The following SLC5A1 variants were observed in gnomAD, a reference collection of about 807,000 sequenced individuals.
SLC5A1 encodes solute carrier family 5 member 1.
A neutral mutation model predicts 73.5 loss-of-function variants in SLC5A1; 42 were observed. That is an observed-to-expected ratio of 0.57 (90% CI 0.45 to 0.74). SLC5A1 has a LOEUF of 0.74. Among genes scored for constraint, SLC5A1 ranks in the 30% least tolerant of loss-of-function variants. The pLI, the probability that SLC5A1 is intolerant of heterozygous loss-of-function variation, is 0.00. For missense variants in SLC5A1, 634 were observed against 855.4 expected (o/e 0.74, Z 3.23); for synonymous variants, 300 against 317.4 (o/e 0.95, Z 0.58).
chr22:32,044,525 T>C (rs942082631), intron 1 of SLC5A1, among the ~76,000 whole-genome samples: 4 of 151,856 alleles, frequency 2.6e-5, no homozygotes, highest in African/African-American at 9.7e-5. Context: ...GTTTTTTTTT[T>C]TTTTTCCAAA....
intron 2 of SLC5A1, among the ~76,000 whole-genome samples, chr22:32,058,805 C>T (rs568907198): frequency 1.3e-5 from 2 of 152,268 alleles, no homozygotes; most frequent in East Asian, 3.9e-4. Context: ...TTCACAGAGC[C>T]ACTTCATAGT....
At chr22:32,062,636 G>C (rs2093965120) in intron 2 of SLC5A1, among the ~76,000 whole-genome samples, 1 of 152,144 alleles carries the variant, frequency 6.6e-6, no homozygotes, top group Non-Finnish European at 1.5e-5. Context: ...GAACATGGGG[G>C]AGAAATTCTA....
chr22:32,105,765 T>G (rs943688169), intron 14 of SLC5A1, among the ~76,000 whole-genome samples: 1 of 152,166 alleles, frequency 6.6e-6, no homozygotes, highest in Non-Finnish European at 1.5e-5. Context: ...GTAACCATCT[T>G]TCTACTTTCT....
At chr22:32,067,930 C>G in intron 3 of SLC5A1, 37 bp from the exon 4 acceptor site, 5 of 1,612,016 alleles carry the variant, frequency 3.1e-6, no homozygotes, top group Non-Finnish European at 4.2e-6. Flanking sequence ...GGCTAAGTTT[C>G]CTCCTAATTT....
At chr22:32,085,546 C>CG (rs770438722) in intron 9 of SLC5A1, among the ~76,000 whole-genome samples, 107 of 119,124 alleles carry the variant, frequency 9.0e-4, no homozygotes, top group African/African-American at 3.2e-3. Flanking sequence ...TTGTTTCCTC[C>CG]TTTTTTTTTT....
Position 32,063,317 on chromosome 22 carries a change from G to A in SLC5A1, c.208-3618G>A, listed in dbSNP as rs994707021. Among the ~76,000 whole-genome samples the A allele has an allele frequency of 3.9e-5, 6 of 152,308 alleles. No homozygotes were observed. In the South Asian group the frequency reaches 1.2e-3, roughly 32 times the overall value. ...ATTATCCTCTTGGGAGGAGAAAGGA[G>A]GGAAGGGACACTGATTGAGAATCAG... On this transcript the variant is annotated intron_variant, in intron 2 of 14. Transcript: ENST00000266088.
chr22:32,058,597 G>A (rs1278589772), intron 2 of SLC5A1, among the ~76,000 whole-genome samples: 1 of 152,054 alleles, frequency 6.6e-6, no homozygotes, highest in Admixed American at 6.6e-5. Flanking sequence ...TGATTTTAAC[G>A]TGTACCAACC....
chr22:32,106,543 A>G (rs1244788437), intron 14 of SLC5A1, among the ~76,000 whole-genome samples: 1 of 152,252 alleles, frequency 6.6e-6, no homozygotes, highest in Admixed American at 6.5e-5. Flanking sequence ...AACTGAGGGC[A>G]GATGGAACCA....
intron 2 of SLC5A1, among the ~76,000 whole-genome samples, chr22:32,063,210 T>C (rs1051052450): frequency 4.6e-5 from 7 of 152,164 alleles, no homozygotes; most frequent in African/African-American, 1.4e-4. Flanking sequence ...GGCTTTAACA[T>C]AGGAATTTTG....
Position 32,068,013 on chromosome 22 carries a change from A to G in SLC5A1, c.359A>G (p.Tyr120Cys). The change falls in exon 4 of 15, where the codon TAT becomes TGT. Residue 120 changes from tyrosine to cysteine, a missense_variant. By Grantham distance (194) the Tyr-to-Cys change is radical (BLOSUM62 -2). This residue lies in a region of SLC5A1 where 422 missense variants were observed against 626.1 expected (regional missense o/e 0.67). Coordinates refer to ENST00000266088, the MANE Select transcript of SLC5A1 (RefSeq NM_000343.4). ...VVLGWLFVPI[Y>C]IKAGVVTMPE... ...CTGGGCTGGCTGTTTGTCCCCATCTATATTAAGGCTGGGGTAAGTATCTGC... is the reference window on the plus strand; with the variant it reads ...CTGGGCTGGCTGTTTGTCCCCATCTGTATTAAGGCTGGGGTAAGTATCTGC... The G allele has an allele frequency of 6.2e-7, 1 of 1,613,846 alleles. No individual in the cohort carries two copies. The highest frequency in any genetic ancestry group is 8.5e-7 in the Non-Finnish European group (1 of 1,179,838).
chr22:32,103,270 G>T (rs2094039594), intron 13 of SLC5A1, among the ~76,000 whole-genome samples: 1 of 152,188 alleles, frequency 6.6e-6, no homozygotes, highest in Non-Finnish European at 1.5e-5. Flanking sequence ...TTTAAATGGG[G>T]TGAGATGATA....
intron 2 of SLC5A1, among the ~76,000 whole-genome samples, chr22:32,054,052 A>G (rs1223996744): frequency 1.3e-5 from 2 of 152,156 alleles, no homozygotes; most frequent in Non-Finnish European, 2.9e-5. Context: ...AGGTGCCTGT[A>G]ATCCCAGCTA....
At chr22:32,078,060 TCCCCAC>T (rs2093993838) in intron 5 of SLC5A1, among the ~76,000 whole-genome samples, 1 of 152,174 alleles carries the variant, frequency 6.6e-6, no homozygotes, top group South Asian at 2.1e-4. Context: ...TGTTGTCTTC[TCCCCAC>T]CCCTACCATC....
At chr22:32,054,128 G>C (rs938742574) in intron 2 of SLC5A1, among the ~76,000 whole-genome samples, 1 of 152,066 alleles carries the variant, frequency 6.6e-6, no homozygotes, top group Non-Finnish European at 1.5e-5. Flanking sequence ...AGCTGAGATC[G>C]CACCATTGCA....
Position 32,110,259 on chromosome 22 carries a change from C to A in SLC5A1, c.*46C>A. 2 of 1,439,222 alleles carry A rather than the reference C, an allele frequency of 1.4e-6. No homozygotes were observed. The highest frequency in any genetic ancestry group is 1.1e-5 in the South Asian group (1 of 87,166). 89.2% of individuals were successfully genotyped at this position (1,439,222 alleles called of 1,614,324 possible). ...TTTACCATGGCTGGACTCTTACTCA[C>A]CTTCCTTTAGTCTCGTCCTGTGGTG... On this transcript the variant is annotated 3_prime_UTR_variant, in exon 15 of 15. Transcript: ENST00000266088.
intron 2 of SLC5A1, among the ~76,000 whole-genome samples, chr22:32,051,431 G>T (rs2093945016): frequency 6.6e-6 from 1 of 152,158 alleles, no homozygotes; most frequent in African/African-American, 2.4e-5. Context: ...AGAAGTGAGA[G>T]AATTGCTTGA....
chr22:32,050,980 G>C (rs949528858), intron 2 of SLC5A1, among the ~76,000 whole-genome samples: 1 of 152,240 alleles, frequency 6.6e-6, no homozygotes, highest in African/African-American at 2.4e-5. Context: ...TCTGTGCGGA[G>C]ATGTGATGGT....
intron 2 of SLC5A1, among the ~76,000 whole-genome samples, chr22:32,060,103 A>AT (rs1240347993): frequency 2.0e-5 from 3 of 150,356 alleles, no homozygotes; most frequent in African/African-American, 7.4e-5. Context: ...ACACATATAT[A>AT]TACACACACA....
chr22:32,086,747 A>G (rs765810249), intron 10 of SLC5A1, among the ~76,000 whole-genome samples: 17 of 152,202 alleles, frequency 1.1e-4, no homozygotes, highest in Non-Finnish European at 2.4e-4. Context: ...ATGACTGGGC[A>G]TATAGCCAAA....
Sources: gnomAD v4.1 joint callset for allele counts (sites outside exome capture counted in the v4.1 genomes callset) on GRCh38, gnomAD v4.1.1 for gene constraint, gnomAD v4.1.1 regional missense constraint, MANE v1.5 for transcripts, NCBI Gene and HGNC (gene_info 2026-07-23, HGNC 2026-07-21) for gene names.